Variants in PKD1L1 observed in about 807,000 individuals in gnomAD.
PKD1L1 encodes the protein polycystin-1-like protein 1.
Under a neutral mutation model 323.4 loss-of-function variants are expected in PKD1L1, and 236 were observed. The ratio of observed to expected loss-of-function variants is 0.73; its 90% confidence interval spans 0.66 to 0.81. The LOEUF is 0.81. PKD1L1 is among the 40% of genes least tolerant of loss of function. The pLI is 0.00. For missense variants in PKD1L1, 3,320 were observed against 3,508.0 expected (o/e 0.95, Z 1.35); for synonymous variants, 1,344 against 1,335.0 (o/e 1.01, Z -0.15).
At chr7:47,857,955 G>T in intron 27 of PKD1L1, 123 bp from the exon 28 acceptor site, 1 of 878,788 alleles carries the variant, frequency 1.1e-6, no homozygotes, top group Non-Finnish European at 1.7e-6. Context: ...TTGGATGGCA[G>T]GAAGCAAGAG....
rs567262855 is a variant in PKD1L1, at chr7:47,840,942, C to T, written c.5446-375G>A. ...CAGGGAGATGCCAGAGGAGCCTGGA[C>T]GCAGAGTAGGGTACCCATGCACCTG... On this transcript the variant is annotated intron_variant, in intron 34 of 56. Coordinates refer to ENST00000289672, the MANE Select transcript of PKD1L1 (RefSeq NM_138295.5). This position sits in a 1 kb window ranked among gnomAD's most constrained non-coding sequence, Gnocchi z 4.1. 8.5e-5 allele frequency among the ~76,000 whole-genome samples: 13 copies of T among 152,196 alleles called. No homozygotes were observed. Among genetic ancestry groups the T allele is most frequent in the South Asian group, 2.1e-4 (1 of 4,832 alleles).
At chr7:47,776,502 C>A (rs1228742973) in intron 56 of PKD1L1, among the ~76,000 whole-genome samples, 1 of 152,198 alleles carries the variant, frequency 6.6e-6, no homozygotes, top group Admixed American at 6.5e-5. Context: ...TCAGCATGGC[C>A]CCAAGCCTAG....
intron 5 of PKD1L1, 50 bp downstream of exon 5, chr7:47,931,886 C>T (rs1482488475): frequency 6.3e-7 from 1 of 1,578,608 alleles, no homozygotes; most frequent in Non-Finnish European, 8.6e-7. Context: ...GCATCAGATG[C>T]TCACCAGCAG....
Position 47,946,640 on chromosome 7 carries a change from C to T in PKD1L1, c.44+1757G>A, listed in dbSNP as rs1037540006. On this transcript the variant is annotated intron_variant, in intron 1 of 56. Coordinates refer to ENST00000289672, the MANE Select transcript of PKD1L1 (RefSeq NM_138295.5). The surrounding 1 kb of genome is among the most constrained non-coding windows in gnomAD (Gnocchi z 4.1). ...CCACACACTACACACAGACCACACA[C>T]CACACCACCCACACACATGTCCTAT... Among the ~76,000 whole-genome samples, 1 of 151,734 alleles carries T rather than the reference C, an allele frequency of 6.6e-6. No homozygotes were observed. Among genetic ancestry groups the T allele is most frequent in the Non-Finnish European group, 1.5e-5 (1 of 67,918 alleles).
intron 23 of PKD1L1, among the ~76,000 whole-genome samples, chr7:47,874,640 C>A (rs948246496): frequency 1.3e-5 from 2 of 152,078 alleles, no homozygotes; most frequent in South Asian, 4.2e-4. Context: ...TCAGTGGATA[C>A]TAGGTGGGCT....
At chr7:47,906,079 T>C (rs758797147) in intron 9 of PKD1L1, 117 bp from the exon 10 acceptor site, 48 of 1,056,850 alleles carry the variant, frequency 4.5e-5, no homozygotes, top group Middle Eastern at 2.7e-4. Flanking sequence ...TCTCAATAAA[T>C]TTCAAAATTC....
At position 47,858,739 on chromosome 7, in the gene PKD1L1, T is replaced by C; in HGVS notation, c.4296A>G (p.Gln1432=). The C allele has an allele frequency of 6.2e-7, 1 of 1,614,168 alleles. No homozygotes were observed. Among genetic ancestry groups the C allele is most frequent in the Non-Finnish European group, 8.5e-7 (1 of 1,180,002 alleles). The change falls in exon 27 of 57, where the codon CAA becomes CAG. Residue 1432 remains glutamine, a synonymous_variant. Transcript: ENST00000289672. ...GATAGACTTCCTCCTTCGAGTTTTC[T>C]TGCTCAGAGACTTCCCAGACTCTGG... ...LISRVWEVSE[Q]ENSKEEVYRH... is the part of the protein sequence containing the mutation.
chr7:47,865,187 A>T, intron 26 of PKD1L1, 29 bp downstream of exon 26: 1 of 1,575,988 alleles, frequency 6.3e-7, no homozygotes, highest in Non-Finnish European at 8.7e-7. Flanking sequence ...TAAAATAGGA[A>T]AATATTTCTG....
chr7:47,945,195 C>G (rs1417335844), intron 1 of PKD1L1, among the ~76,000 whole-genome samples: 1 of 152,160 alleles, frequency 6.6e-6, no homozygotes, highest in African/African-American at 2.4e-5. Flanking sequence ...GCTTGGTAAC[C>G]AGCTGCTAAA....
chr7:47,880,274 ATATATATATATT>A (rs1786517216), intron 21 of PKD1L1, among the ~76,000 whole-genome samples: 1 of 69,778 alleles, frequency 1.4e-5, no homozygotes, highest in East Asian at 3.4e-4. Context: ...ACATATATAT[ATATATATATATT>A]TTTTTTTTTT....
At chr7:47,787,619 C>T (rs1786838081) in intron 56 of PKD1L1, among the ~76,000 whole-genome samples, 1 of 152,090 alleles carries the variant, frequency 6.6e-6, no homozygotes, top group South Asian at 2.1e-4. Flanking sequence ...AAAGTTCTTG[C>T]TAGTTATATG....
intron 26 of PKD1L1, among the ~76,000 whole-genome samples, chr7:47,859,309 T>C (rs368235461): frequency 5.9e-5 from 9 of 152,206 alleles, no homozygotes; most frequent in Non-Finnish European, 1.0e-4. Context: ...ATTACCTATG[T>C]GCATTCTATT....
At chr7:47,865,816 C>T (rs1439940058) in intron 25 of PKD1L1, among the ~76,000 whole-genome samples, 1 of 150,996 alleles carries the variant, frequency 6.6e-6, no homozygotes, top group East Asian at 2.0e-4. Flanking sequence ...AGGATGGTCA[C>T]GATCTCCTGA....
In PKD1L1 at chr7:47,888,182, GAA is replaced by G. The variant is rs113359255; in HGVS notation, c.2676-34_2676-33del. On this transcript the variant is annotated intron_variant, in intron 16 of 56. Coordinates refer to ENST00000289672, the MANE Select transcript of PKD1L1 (RefSeq NM_138295.5). ...TATATAAATTGGCTTGAGATCTTAGGAAAATAATGTGAGGGTTCTTTGGTCAC... is the reference window on the plus strand; with the variant it reads ...TATATAAATTGGCTTGAGATCTTAGGAATAATGTGAGGGTTCTTTGGTCAC... The G allele has an allele frequency of 0.016, 25,129 of 1,589,788 alleles. 1,065 individuals carry two copies. In the African/African-American group the frequency reaches 0.16, roughly 10 times the overall value.
At chr7:47,802,058 G>A (rs149349235) in intron 53 of PKD1L1, among the ~76,000 whole-genome samples, 4,951 of 152,096 alleles carry the variant, frequency 0.033, 129 homozygotes, top group Non-Finnish European at 0.044. Context: ...ACACATGGTG[G>A]TGTGTGCCTG....
the PKD1L1 span, chr7:47,956,681 G>A: frequency 0.067 from 10,195 of 152,212 alleles, 429 homozygotes; most frequent in South Asian, 0.13. Flanking sequence ...AGGGAAACAT[G>A]ATGTCACCAA....
chr7:47,837,047 C>A lies in PKD1L1; in HGVS notation c.5817G>T (p.Trp1939Cys), dbSNP rs1442962865. ...FTEYLEDFHV[W>C]LSVYSRPSSS... The stretch of plus-strand genomic sequence containing the variant: ...AGGAGGGCCTGCTGTACACCGACAG[C>A]CAGACATGGAAATCCTCCAGGTACT... The change falls in exon 37 of 57, where the codon TGG becomes TGT. Residue 1939 changes from tryptophan (W) to cysteine (C), a missense_variant. Transcript: ENST00000289672. The A allele has an allele frequency of 1.2e-6, 2 of 1,614,158 alleles. No homozygotes were observed. The highest frequency in any genetic ancestry group is 2.2e-5 in the South Asian group (2 of 91,078).
At chr7:47,879,319 C>G (rs12534916) in intron 21 of PKD1L1, among the ~76,000 whole-genome samples, 54,800 of 151,858 alleles carry the variant, frequency 0.36, 11,207 homozygotes, top group African/African-American at 0.56. Flanking sequence ...GATGTTGAAC[C>G]AAACCTATCT....
rs141356808 is a variant in PKD1L1, at chr7:47,885,726, C to T, written c.3165G>A (p.Glu1055=). ...SKGSLMTGRS[E]RSQPTHSPDP... ...CAGGGCTGTGGGTGGGCTGACTTCT[C>T]TCAGAGCGGCCAGTCATCAGGGATC... Residue 1055 remains glutamate (E), a synonymous_variant, in exon 18 of 57, where the codon GAG becomes GAA. Transcript: ENST00000289672. 288 of 1,614,050 alleles carry T rather than the reference C, an allele frequency of 1.8e-4. 2 individuals are homozygous for T. Among genetic ancestry groups the T allele is most frequent in the Middle Eastern group, 1.5e-3 (9 of 6,048 alleles).
Sources: allele counts gnomAD v4.1 joint callset (sites outside exome capture counted in the v4.1 genomes callset), GRCh38; gene constraint gnomAD v4.1.1; non-coding constraint Gnocchi (gnomAD v3.1); transcripts MANE v1.5; gene names NCBI Gene and HGNC (gene_info 2026-07-23, HGNC 2026-07-21).